Variants in CCDC171 observed in about 807,000 individuals in gnomAD.
The protein encoded by CCDC171 is coiled-coil domain containing 171.
Under a neutral mutation model 168.2 loss-of-function variants are expected in CCDC171, and 177 were observed. The ratio of observed to expected loss-of-function variants is 1.05; its 90% confidence interval spans 0.93 to 1.19. The LOEUF (loss-of-function observed/expected upper bound fraction) is 1.19, where lower values mean the gene tolerates loss of function less well. CCDC171 is among the 50% of genes most tolerant of loss of function. CCDC171 has a pLI of 0.00. For synonymous variants in CCDC171, 687 were observed against 540.8 expected (o/e 1.27, Z -3.75); for missense variants, 1,991 against 1,539.0 (o/e 1.29, Z -4.91).
chr9:16,102,488 T>TGGGGG, the CCDC171 span, among the ~76,000 whole-genome samples: 9 of 50,064 alleles, frequency 1.8e-4, no homozygotes, highest in African/African-American at 2.3e-4. Context: ...AAACGTGTGT[T>TGGGGG]GGGGGGGGGC....
At chr9:15,725,458 T>C (rs1195596071) in intron 14 of CCDC171, among the ~76,000 whole-genome samples, 1 of 152,174 alleles carries the variant, frequency 6.6e-6, no homozygotes, top group Non-Finnish European at 1.5e-5. Context: ...ATTTATTTTT[T>C]TTCTTTTTTG....
At chr9:16,011,072 G>C (rs62546637) in intron 3 of CCDC171, among the ~76,000 whole-genome samples, 2 of 152,122 alleles carry the variant, frequency 1.3e-5, no homozygotes. Context: ...AGGTTGTATG[G>C]ATCTTACTAG....
At chr9:15,888,845 C>G (rs924238993) in intron 24 of CCDC171, 6 of 151,242 alleles carry the variant, frequency 4.0e-5, no homozygotes, top group African/African-American at 1.5e-4. Context: ...AATTTTGTGG[C>G]AAAACCTGAG....
At chr9:15,672,821 T>G (rs537910953) in intron 9 of CCDC171, among the ~76,000 whole-genome samples, 1 of 152,332 alleles carries the variant, frequency 6.6e-6, no homozygotes, top group Non-Finnish European at 1.5e-5. Flanking sequence ...TTGCTTAGGA[T>G]TGTCTTGGCA....
chr9:15,739,251 A>G (rs2054691139), intron 16 of CCDC171, among the ~76,000 whole-genome samples: 1 of 152,192 alleles, frequency 6.6e-6, no homozygotes, highest in East Asian at 1.9e-4. Flanking sequence ...ATCGAAGGCA[A>G]AGGAGCCGGG....
intron 23 of CCDC171, among the ~76,000 whole-genome samples, chr9:15,858,583 T>C (rs2061431985): frequency 6.6e-6 from 1 of 152,108 alleles, no homozygotes; most frequent in South Asian, 2.1e-4. Flanking sequence ...GTATTTTTAA[T>C]TTCTTTTGCC....
In CCDC171 at chr9:15,821,560, T is replaced by C. The variant is rs1227831446; in HGVS notation, c.3268-25142T>C. On this transcript the variant is annotated intron_variant, in intron 21 of 25. Coordinates refer to ENST00000380701, the MANE Select transcript of CCDC171 (RefSeq NM_173550.4). ...CACCAATAACAGACAAACAGCCAAA[T>C]CATGAGTGAACTCCCATTCACAATT... 1.7e-5 allele frequency among the ~76,000 whole-genome samples: 2 copies of C among 116,608 alleles called. 1 individual carries two copies. Among genetic ancestry groups the C allele is most frequent in the Non-Finnish European group, 3.8e-5 (2 of 51,980 alleles). The allele number at this position is 116,608 out of a possible 152,430, so 76.5% of individuals were successfully genotyped here.
intron 6 of CCDC171, among the ~76,000 whole-genome samples, chr9:16,025,161 G>GC (rs1564125426): frequency 6.6e-6 from 1 of 152,200 alleles, no homozygotes; most frequent in Non-Finnish European, 1.5e-5. Flanking sequence ...TTGAACAGGG[G>GC]CTGGGCATGG....
At chr9:15,665,150 G>A (rs903725831) in intron 8 of CCDC171, among the ~76,000 whole-genome samples, 1 of 151,526 alleles carries the variant, frequency 6.6e-6, no homozygotes, top group Non-Finnish European at 1.5e-5. Context: ...TTATTTTGAG[G>A]GAAGGTCTCA....
At position 15,564,129 on chromosome 9, in the gene CCDC171, G is replaced by T; in HGVS notation, c.41G>T (p.Arg14Met). ...TCAAGTAATACTGGTGATACCCAAAGGTAAGCCTCTAGTCTCTTCTTTTAG... is the reference window on the plus strand; with the variant it reads ...TCAAGTAATACTGGTGATACCCAAATGTAAGCCTCTAGTCTCTTCTTTTAG... ...NTSSNTGDTQ[R>M]LKIASLDVKQ... The change falls in exon 2 of 26, where the codon AGG (arginine) becomes ATG (methionine). Residue 14 changes from arginine (R) to methionine (M), a missense_variant and splice_region_variant. Physicochemically the swap from Arg to Met is moderately conservative, Grantham distance 91. Coordinates refer to ENST00000380701, the MANE Select transcript of CCDC171 (RefSeq NM_173550.4). 1 of 1,606,800 alleles carries T rather than the reference G, an allele frequency of 6.2e-7. No individual in the cohort carries two copies. The highest frequency in any genetic ancestry group is 1.1e-5 in the South Asian group (1 of 90,164).
At chr9:16,100,545 G>T in the CCDC171 span, among the ~76,000 whole-genome samples, 2 of 152,182 alleles carry the variant, frequency 1.3e-5, no homozygotes, top group African/African-American at 2.4e-5. Flanking sequence ...GCTCATGAAA[G>T]CTCCTTTCCT....
chr9:15,950,478 G>T (rs10756723), intron 25 of CCDC171, among the ~76,000 whole-genome samples: 47,207 of 151,910 alleles, frequency 0.31, 9,146 homozygotes, highest in East Asian at 0.61. Flanking sequence ...TCAACATTCT[G>T]AAAGAAAAGA....
At chr9:15,566,856 G>A (rs926143546) in intron 2 of CCDC171, among the ~76,000 whole-genome samples, 1 of 152,080 alleles carries the variant, frequency 6.6e-6, no homozygotes, top group African/African-American at 2.4e-5. Context: ...TACGAGGTAA[G>A]GGTCTAAATT....
intron 9 of CCDC171, among the ~76,000 whole-genome samples, chr9:15,672,035 C>G (rs201181550): frequency 2.0e-5 from 3 of 152,224 alleles, no homozygotes; most frequent in Middle Eastern, 6.8e-3. Context: ...TTTTAATGAT[C>G]GCCATTCTAA....
chr9:15,982,566 A>T (rs1831834010), intron 3 of CCDC171, among the ~76,000 whole-genome samples: 1 of 152,158 alleles, frequency 6.6e-6, no homozygotes, highest in Admixed American at 6.5e-5. Context: ...AGTGCAGCCC[A>T]GCCTTTAGAG....
chr9:15,624,333 C>T (rs2044845705), intron 7 of CCDC171, among the ~76,000 whole-genome samples: 1 of 152,044 alleles, frequency 6.6e-6, no homozygotes, highest in African/African-American at 2.4e-5. Context: ...TTTTATTATA[C>T]TTTAAGTTCT....
At chr9:16,071,974 C>T in the CCDC171 span, among the ~76,000 whole-genome samples, 1 of 152,098 alleles carries the variant, frequency 6.6e-6, no homozygotes, top group Non-Finnish European at 1.5e-5. Flanking sequence ...TGTATATCAT[C>T]CAATACTGGC....
chr9:16,076,632 G>A, the CCDC171 span, among the ~76,000 whole-genome samples: 1 of 152,150 alleles, frequency 6.6e-6, no homozygotes, highest in Non-Finnish European at 1.5e-5. Context: ...ACATCTTCGT[G>A]CTGGGTTTCT....
chr9:15,729,445 C>T (rs2054018854), intron 15 of CCDC171, among the ~76,000 whole-genome samples, 165 bp from the exon 16 acceptor site: 1 of 151,942 alleles, frequency 6.6e-6, no homozygotes, highest in South Asian at 2.1e-4. Flanking sequence ...GTTTACACTG[C>T]TATTTTCTTT....
Sources: allele counts gnomAD v4.1 joint callset (sites outside exome capture counted in the v4.1 genomes callset), GRCh38; gene constraint gnomAD v4.1.1; transcripts MANE v1.5; gene names NCBI Gene and HGNC (gene_info 2026-07-23, HGNC 2026-07-21).